The following GNAO1 variants were observed in gnomAD, a reference collection of about 807,000 sequenced individuals.
The protein encoded by GNAO1 is G protein subunit alpha o1.
For missense variants in GNAO1, 166 were observed against 478.7 expected, an observed-to-expected ratio of 0.35 and a Z score of 6.10; for synonymous variants, 164 against 180.7, an observed-to-expected ratio of 0.91 and a Z score of 0.74.
chr16:56,211,437 C>A (rs979410798), intron 2 of GNAO1, among the ~76,000 whole-genome samples: 2 of 152,118 alleles, frequency 1.3e-5, no homozygotes, highest in African/African-American at 4.8e-5. Flanking sequence ...CTATGCCGTC[C>A]TCCAGGGTCC....
chr16:56,288,437 T>C (rs1322519902), intron 3 of GNAO1, among the ~76,000 whole-genome samples: 1 of 152,164 alleles, frequency 6.6e-6, no homozygotes, highest in African/African-American at 2.4e-5. Context: ...AGTGTCCCCA[T>C]ATGGGGCACG....
chr16:56,213,016 C>T (rs1034801327), intron 2 of GNAO1, among the ~76,000 whole-genome samples: 24 of 152,234 alleles, frequency 1.6e-4, no homozygotes, highest in African/African-American at 5.5e-4. Context: ...CCCAGGAGCC[C>T]TGCCCGGTGG....
intron 3 of GNAO1, among the ~76,000 whole-genome samples, chr16:56,298,786 G>A (rs2037312583): frequency 6.6e-6 from 1 of 151,944 alleles, no homozygotes; most frequent in African/African-American, 2.4e-5. Context: ...ATGGTGGCGG[G>A]CACCTGTAGT....
intron 3 of GNAO1, among the ~76,000 whole-genome samples, chr16:56,327,560 G>A (rs1200595846): frequency 6.6e-6 from 1 of 152,162 alleles, no homozygotes. Flanking sequence ...AGGTGGCGGT[G>A]ACGGTGCAGT....
intron 3 of GNAO1, among the ~76,000 whole-genome samples, chr16:56,279,602 T>C (rs955375635): frequency 3.3e-5 from 5 of 152,204 alleles, no homozygotes; most frequent in Admixed American, 3.3e-4. Flanking sequence ...CCATGAAGCC[T>C]CCTTCCCTTT....
intron 2 of GNAO1, among the ~76,000 whole-genome samples, chr16:56,253,882 A>G (rs1319799629): frequency 1.3e-5 from 2 of 152,222 alleles, no homozygotes; most frequent in Non-Finnish European, 2.9e-5. Context: ...CTACTTAAAA[A>G]ACAAACAAAA....
At chr16:56,274,944 A>G (rs1452854274) in intron 2 of GNAO1, among the ~76,000 whole-genome samples, 3 of 152,238 alleles carry the variant, frequency 2.0e-5, no homozygotes, top group Non-Finnish European at 4.4e-5. Context: ...GTTGTTTTTA[A>G]AAAAAGAAGA....
At chr16:56,327,150 G>T (rs184571037) in intron 3 of GNAO1, among the ~76,000 whole-genome samples, 532 of 152,266 alleles carry the variant, frequency 3.5e-3, no homozygotes, top group Non-Finnish European at 5.2e-3. Flanking sequence ...CAGCCACTTA[G>T]TTCTGCAGAT....
chr16:56,344,514 C>A, intron 6 of GNAO1: 1 of 988,882 alleles, frequency 1.0e-6, no homozygotes, highest in Non-Finnish European at 1.2e-6. Flanking sequence ...TCCCCTGGGT[C>A]TCAGCCCTTC....
chr16:56,234,843 C>T (rs1267133286), intron 2 of GNAO1, among the ~76,000 whole-genome samples: 1 of 152,046 alleles, frequency 6.6e-6, no homozygotes, highest in East Asian at 1.9e-4. Context: ...AAACAGTCTA[C>T]CTCTGTCCCC....
chr16:56,237,804 G>A (rs145484808), intron 2 of GNAO1, among the ~76,000 whole-genome samples: 35 of 152,210 alleles, frequency 2.3e-4, no homozygotes, highest in African/African-American at 7.5e-4. Context: ...GCACAAAGTC[G>A]TCTAAATGAA....
chr16:56,352,999 C>T (rs1268707809), intron 7 of GNAO1: 1 of 152,464 alleles, frequency 6.6e-6, no homozygotes, highest in African/African-American at 2.4e-5. Flanking sequence ...TGCTTGGTGC[C>T]AGGTCTACTG....
intron 2 of GNAO1, among the ~76,000 whole-genome samples, chr16:56,217,726 A>G (rs567246590): frequency 6.6e-6 from 1 of 152,272 alleles, no homozygotes; most frequent in East Asian, 1.9e-4. Flanking sequence ...GAAAACTAAA[A>G]CTAGAGAGGT....
chr16:56,344,309 C>G, intron 6 of GNAO1: 4 of 1,150,978 alleles, frequency 3.5e-6, no homozygotes, highest in Non-Finnish European at 4.3e-6. Context: ...CTCCTGTCAT[C>G]TTGGGTGGTG....
intron 2 of GNAO1, among the ~76,000 whole-genome samples, chr16:56,267,243 C>G (rs953208405): frequency 1.3e-5 from 2 of 152,180 alleles, no homozygotes; most frequent in African/African-American, 2.4e-5. Flanking sequence ...GCTGCCAGTG[C>G]CTGCCAGTGC....
rs1354409303 is a variant in GNAO1, at chr16:56,326,118, G to C, written c.304-2513G>C. On this transcript the variant is annotated intron_variant, in intron 3 of 8. Coordinates refer to ENST00000262493, the MANE Select transcript of GNAO1 (RefSeq NM_020988.3). This position sits in a 1 kb window ranked among gnomAD's most constrained non-coding sequence, Gnocchi z 4.8. ...AGGACTCAGGGTCCAGCACACTCCT[G>C]TCCTGGCCCTGTGTTCCCAGCCATG... Among the ~76,000 whole-genome samples, 1 of 152,198 alleles carries C rather than the reference G, an allele frequency of 6.6e-6. No homozygotes were observed. Among genetic ancestry groups the C allele is most frequent in the Non-Finnish European group, 1.5e-5 (1 of 68,030 alleles).
chr16:56,252,967 G>C (rs1236717916), intron 2 of GNAO1, among the ~76,000 whole-genome samples: 7 of 152,252 alleles, frequency 4.6e-5, no homozygotes, highest in African/African-American at 1.7e-4. Flanking sequence ...TTCTGAGGCT[G>C]CAATGGAACT....
intron 3 of GNAO1, among the ~76,000 whole-genome samples, chr16:56,279,866 C>G (rs116749356): frequency 0.014 from 2,134 of 152,306 alleles, 48 homozygotes; most frequent in African/African-American, 0.049. Flanking sequence ...CTAAGAACCC[C>G]TTCATCATTT....
intron 2 of GNAO1, among the ~76,000 whole-genome samples, chr16:56,217,564 G>A (rs888615672): frequency 6.6e-6 from 1 of 152,218 alleles, no homozygotes; most frequent in Non-Finnish European, 1.5e-5. Flanking sequence ...AGTAAGTGAA[G>A]TGAAGTATTG....
Sources: allele counts gnomAD v4.1 joint callset (sites outside exome capture counted in the v4.1 genomes callset), GRCh38; gene constraint gnomAD v4.1.1; non-coding constraint Gnocchi (gnomAD v3.1); transcripts MANE v1.5; gene names NCBI Gene and HGNC (gene_info 2026-07-23, HGNC 2026-07-21).